KLRD1: variants seen among roughly 807,000 people sequenced by gnomAD.
KLRD1 encodes the protein killer cell lectin like receptor D1, also known as natural killer cells antigen CD94.
A neutral mutation model predicts 22.6 loss-of-function variants in KLRD1; 21 were observed. That is an observed-to-expected ratio of 0.93 (90% CI 0.66 to 1.34). KLRD1 has a LOEUF of 1.34. Ranked by LOEUF, KLRD1 falls within the 40% of genes most tolerant of loss-of-function variation. The pLI, the probability that KLRD1 is intolerant of heterozygous loss-of-function variation, is 0.00. For synonymous variants in KLRD1, 59 were observed against 71.1 expected (o/e 0.83, Z 0.85); for missense variants, 183 against 208.6 (o/e 0.88, Z 0.76).
intron 1 of KLRD1, among the ~76,000 whole-genome samples, chr12:10,249,691 GAGTA>G (rs1354493687): frequency 6.6e-6 from 1 of 152,134 alleles, no homozygotes; most frequent in Non-Finnish European, 1.5e-5. Context: ...CTTGAAAAAA[GAGTA>G]AGAAATTATT....
chr12:10,253,575 A>G (rs1479755384), intron 1 of KLRD1, among the ~76,000 whole-genome samples: 2 of 142,582 alleles, frequency 1.4e-5, no homozygotes, highest in Non-Finnish European at 3.1e-5. Context: ...CTCTCACCCT[A>G]TCCCCTTGAG....
intron 1 of KLRD1, among the ~76,000 whole-genome samples, chr12:10,254,148 G>C (rs1949370197): frequency 6.6e-6 from 1 of 152,150 alleles, no homozygotes; most frequent in Admixed American, 6.5e-5. Flanking sequence ...TCCACAGAGG[G>C]CAGGGCATGG....
intron 1 of KLRD1, among the ~76,000 whole-genome samples, chr12:10,251,481 C>G (rs940352447): frequency 6.6e-6 from 1 of 152,032 alleles, no homozygotes; most frequent in Non-Finnish European, 1.5e-5. Flanking sequence ...CAGTGGTCCC[C>G]AAACTTTTTG....
At chr12:10,246,424 GAA>G (rs1363929110) in intron 1 of KLRD1, among the ~76,000 whole-genome samples, 1 of 152,134 alleles carries the variant, frequency 6.6e-6, no homozygotes, top group Non-Finnish European at 1.5e-5. Flanking sequence ...TGATATAGAT[GAA>G]GTGTGTATAA....
At chr12:10,263,157 A>G (rs1949469322) in intron 1 of KLRD1, among the ~76,000 whole-genome samples, 1 of 152,026 alleles carries the variant, frequency 6.6e-6, no homozygotes, top group Non-Finnish European at 1.5e-5. Context: ...TTTTAATATT[A>G]TACAAACTCT....
chr12:10,307,724 A>G (rs561916661), upstream of KLRD1: 1 of 192,330 alleles, frequency 5.2e-6, no homozygotes, highest in East Asian at 1.2e-4. Flanking sequence ...CAAACAATAA[A>G]AAACAAAACA....
At chr12:10,300,510 T>A (rs1027397221), upstream of KLRD1, among the ~76,000 whole-genome samples, 4 of 152,260 alleles carry the variant, frequency 2.6e-5, no homozygotes, top group African/African-American at 9.6e-5. Context: ...TAAACAGATG[T>A]GCCACCATCC....
At chr12:10,286,882 T>A (rs1949711149) in intron 1 of KLRD1, among the ~76,000 whole-genome samples, 1 of 152,026 alleles carries the variant, frequency 6.6e-6, no homozygotes, top group African/African-American at 2.4e-5. Context: ...CTCACACCTG[T>A]AATCCCAGCA....
At chr12:10,314,445 C>T (rs1950174407) in intron 5 of KLRD1, among the ~76,000 whole-genome samples, 1 of 151,776 alleles carries the variant, frequency 6.6e-6, no homozygotes, top group Non-Finnish European at 1.5e-5. Context: ...AGAAAAACAG[C>T]AAGGAAAAAA....
chr12:10,247,583 T>C (rs1949304144), intron 1 of KLRD1, among the ~76,000 whole-genome samples: 2 of 152,172 alleles, frequency 1.3e-5, no homozygotes, highest in Non-Finnish European at 2.9e-5. Flanking sequence ...TTTAATCTAA[T>C]TTAGTGAGTC....
chr12:10,313,449 C>T lies in KLRD1; in HGVS notation c.355C>T (p.Leu119Phe). The change falls in exon 5 of 6, where the codon CTC becomes TTC. Residue 119 changes from leucine (L) to phenylalanine (F), a missense_variant. Physicochemically the swap from Leu to Phe is conservative, Grantham distance 22. Transcript: ENST00000336164. ...SSSQQFYWIG[L>F]SYSEEHTAWL... is the part of the protein sequence containing the mutation. The stretch of plus-strand genomic sequence containing the variant: ...CAGTCAACAATTTTACTGGATTGGA[C>T]TCTCTTACAGTGAGGAGCACACCGC... 3 of 1,607,958 alleles carry T rather than the reference C, an allele frequency of 1.9e-6. No individual in the cohort carries two copies. Among genetic ancestry groups the T allele is most frequent in the Non-Finnish European group, 2.5e-6 (3 of 1,176,798 alleles).
At chr12:10,251,233 T>G (rs1162299628) in intron 1 of KLRD1, among the ~76,000 whole-genome samples, 1 of 152,126 alleles carries the variant, frequency 6.6e-6, no homozygotes, top group Admixed American at 6.5e-5. Flanking sequence ...CAAGCAATTC[T>G]CCTGCCTTGG....
chr12:10,302,462 C>G (rs951924276), upstream of KLRD1, among the ~76,000 whole-genome samples: 3 of 152,172 alleles, frequency 2.0e-5, no homozygotes, highest in Non-Finnish European at 4.4e-5. Flanking sequence ...GGCCGTTGCA[C>G]AGACAAAATC....
rs533509911 is a variant in KLRD1, at chr12:10,319,014, T to C, written c.*4221T>C. ...GAAAAACTTTTCTCAAAAAGCTCTA[T>C]AGCATATATTTTCAACTTTGTGGAC... On this transcript the variant is annotated 3_prime_UTR_variant, in exon 6 of 6. Transcript: ENST00000336164. 3 of 152,184 alleles carry C rather than the reference T, an allele frequency of 2.0e-5. No homozygotes were observed. The highest frequency in any genetic ancestry group is 2.9e-5 in the Non-Finnish European group (2 of 68,026). The allele number at this position is 152,184 out of a possible 1,614,324, so 9.4% of individuals were successfully genotyped here.
intron 1 of KLRD1, among the ~76,000 whole-genome samples, chr12:10,264,894 C>T (rs920467011): frequency 6.6e-6 from 1 of 152,016 alleles, no homozygotes; most frequent in Non-Finnish European, 1.5e-5. Flanking sequence ...ATTCTACTCT[C>T]TGTTTCTCTA....
In KLRD1 at chr12:10,316,023, C is replaced by T. The variant is rs1023552074; in HGVS notation, c.*1230C>T. 9 of 145,208 alleles carry T rather than the reference C, an allele frequency of 6.2e-5. No individual in the cohort carries two copies. Among genetic ancestry groups the T allele is most frequent in the Non-Finnish European group, 1.0e-4 (7 of 67,414 alleles). The allele number at this position is 145,208 out of a possible 1,614,324, so 9.0% of individuals were successfully genotyped here. On this transcript the variant is annotated 3_prime_UTR_variant, in exon 6 of 6. Coordinates refer to ENST00000336164, the MANE Select transcript of KLRD1 (RefSeq NM_002262.5). ...ATCCCAGCTATTTGGGAGGCTGAGT[C>T]GAGAGGATCGCTTGAACCTAGGAGG... is the stretch of plus-strand genomic sequence containing the variant.
At chr12:10,314,539 T>C (rs2137723497) in intron 5 of KLRD1, 134 bp from the exon 6 acceptor site, 1 of 644,070 alleles carries the variant, frequency 1.6e-6, no homozygotes, top group East Asian at 3.3e-5. Context: ...AAATTGTGGT[T>C]ACTGAAAAAA....
chr12:10,288,496 A>C (rs1949732667), intron 1 of KLRD1, among the ~76,000 whole-genome samples: 1 of 152,200 alleles, frequency 6.6e-6, no homozygotes, highest in South Asian at 2.1e-4. Context: ...TTAGAGGTAG[A>C]GGTAGACAAA....
chr12:10,288,228 G>A (rs535646869), intron 1 of KLRD1, among the ~76,000 whole-genome samples: 1 of 148,590 alleles, frequency 6.7e-6, no homozygotes, highest in Non-Finnish European at 1.5e-5. Context: ...GGACAACAGA[G>A]CGAGACTCCG....
Sources: allele counts gnomAD v4.1 joint callset (sites outside exome capture counted in the v4.1 genomes callset), GRCh38; gene constraint gnomAD v4.1.1; transcripts MANE v1.5; gene names NCBI Gene and HGNC (gene_info 2026-07-23, HGNC 2026-07-21).